The following COTL1 variants were observed in gnomAD, a reference collection of about 807,000 sequenced individuals.
COTL1 encodes coactosin-like protein.
A neutral mutation model predicts 16.5 loss-of-function variants in COTL1; 15 were observed. The observed-to-expected ratio is 0.91, with a 90% CI of 0.61 to 1.40. The LOEUF (loss-of-function observed/expected upper bound fraction) is 1.40. Among genes scored for constraint, COTL1 ranks in the 40% most tolerant of loss-of-function variants. COTL1 has a pLI of 0.00. For synonymous variants in COTL1, 112 were observed against 85.3 expected (o/e 1.31, Z -1.73); for missense variants, 220 against 201.5 (o/e 1.09, Z -0.56).
At chr16:84,615,016 C>T (rs1332228693) in intron 2 of COTL1, among the ~76,000 whole-genome samples, 1 of 152,216 alleles carries the variant, frequency 6.6e-6, no homozygotes, top group African/African-American at 2.4e-5. Context: ...ACCTGCCACA[C>T]CAGGCTGTTC....
At chr16:84,596,432 T>G (rs1254477333) in intron 2 of COTL1, 1 of 152,196 alleles carries the variant, frequency 6.6e-6, no homozygotes, top group African/African-American at 2.4e-5. Flanking sequence ...GAGGATTACA[T>G]GAAAAAGAAA....
chr16:84,605,193 C>T (rs1343529432), intron 2 of COTL1, among the ~76,000 whole-genome samples: 1 of 152,220 alleles, frequency 6.6e-6, no homozygotes, highest in African/African-American at 2.4e-5. Context: ...AAGAGCCTCC[C>T]GTGGTCTTCC....
chr16:84,589,073 C>T lies in COTL1; in HGVS notation c.318+1032G>A, dbSNP rs367834116. 2.2e-4 allele frequency among the ~76,000 whole-genome samples: 34 copies of T among 152,186 alleles called. 1 individual carries two copies. Among genetic ancestry groups the T allele is most frequent in the African/African-American group, 7.0e-4 (29 of 41,526 alleles). On this transcript the variant is annotated intron_variant, in intron 3 of 3. Transcript: ENST00000262428. The stretch of plus-strand genomic sequence containing the variant: ...GCACCCTTGACCTCCTGGTTTCCAG[C>T]GAACCTCCCGCCTCAGCCTCCCAAG...
chr16:84,590,263 C>A lies in COTL1; in HGVS notation c.161-1G>T. 1.2e-6 allele frequency: 2 copies of A among 1,613,718 alleles called. No individual in the cohort carries two copies. Among genetic ancestry groups the A allele is most frequent in the Non-Finnish European group, 1.7e-6 (2 of 1,179,632 alleles). ...ACGAAGGCAAACAACCGGACGTCAT[C>A]TGTGGCCAAAAGCGAAAAGAGAACA... On this transcript the variant is annotated splice_acceptor_variant, in intron 2 of 3. Coordinates refer to ENST00000262428, the MANE Select transcript of COTL1 (RefSeq NM_021149.5). LOFTEE classifies it high-confidence loss of function. The surrounding 1 kb of genome is among the most constrained non-coding windows in gnomAD (Gnocchi z 5.5).
intron 2 of COTL1, among the ~76,000 whole-genome samples, chr16:84,602,419 A>T (rs1905120697): frequency 6.6e-6 from 1 of 151,894 alleles, no homozygotes; most frequent in African/African-American, 2.4e-5. Context: ...ATTAAAAAAA[A>T]AAAAGAATAA....
Position 84,566,937 on chromosome 16 carries a change from C to T in COTL1, c.337G>A (p.Val113Met). 6.2e-7 allele frequency: 1 copy of T among 1,613,600 alleles called. No individual in the cohort carries two copies. Among genetic ancestry groups the T allele is most frequent in the African/African-American group, 1.3e-5 (1 of 75,018 alleles). Residue 113 changes from valine to methionine, a missense_variant, in exon 4 of 4, where the codon GTG becomes ATG. Coordinates refer to ENST00000262428, the MANE Select transcript of COTL1 (RefSeq NM_021149.5). Reference sequence around the variant, plus strand: ...TCCAGCTCCTTCCGATCACTGATCACAAACTCCTTAGCGAAATTCTGCAAG... The same window carrying T: ...TCCAGCTCCTTCCGATCACTGATCATAAACTCCTTAGCGAAATTCTGCAAG... ...EVVQNFAKEF[V>M]ISDRKELEED... is the part of the protein sequence containing the mutation.
chr16:84,616,696 A>G (rs1484358286), intron 2 of COTL1, among the ~76,000 whole-genome samples: 1 of 152,032 alleles, frequency 6.6e-6, no homozygotes. Context: ...CTCTGCCACT[A>G]CCGAAGGGTT....
chr16:84,598,597 G>A (rs960785817), intron 2 of COTL1, among the ~76,000 whole-genome samples: 2 of 151,640 alleles, frequency 1.3e-5, no homozygotes, highest in Non-Finnish European at 2.9e-5. Context: ...TCCTGGAGGT[G>A]CCTTTACGCC....
chr16:84,586,283 CTT>C (rs1386054781), intron 3 of COTL1, among the ~76,000 whole-genome samples: 5 of 152,222 alleles, frequency 3.3e-5, no homozygotes, highest in South Asian at 2.1e-4. Context: ...AGCAATTCCT[CTT>C]TGTGCTTCAA....
At chr16:84,583,729 G>A (rs1904653687) in intron 3 of COTL1, among the ~76,000 whole-genome samples, 1 of 152,112 alleles carries the variant, frequency 6.6e-6, no homozygotes, top group South Asian at 2.1e-4. Flanking sequence ...CAAAATGTTG[G>A]GATTACAGGT....
chr16:84,579,704 C>T (rs911604465), intron 3 of COTL1, among the ~76,000 whole-genome samples: 3 of 152,080 alleles, frequency 2.0e-5, no homozygotes, highest in African/African-American at 7.2e-5. Context: ...CACCACGGGG[C>T]GAAGACTAAG....
chr16:84,566,980 C>T lies in COTL1; in HGVS notation c.319-25G>A, dbSNP rs147198103. On this transcript the variant is annotated intron_variant, in intron 3 of 3. Transcript: ENST00000262428. ...TCTGCAAGAACAAAGGAAAACACAG[C>T]GTTCCTATTAAGAAGGAAGGCACAG... 318 of 1,549,760 alleles carry T rather than the reference C, an allele frequency of 2.1e-4. 1 individual carries two copies. Among genetic ancestry groups the T allele is most frequent in the Non-Finnish European group, 2.6e-4 (287 of 1,121,990 alleles).
intron 2 of COTL1, among the ~76,000 whole-genome samples, chr16:84,615,184 T>C (rs866370916): frequency 4.6e-5 from 7 of 152,196 alleles, no homozygotes; most frequent in East Asian, 3.8e-4. Context: ...ATAATTCTCC[T>C]ATGCATTTGT....
chr16:84,567,261 G>T, intron 3 of COTL1: 1 of 283,924 alleles, frequency 3.5e-6, no homozygotes, highest in Non-Finnish European at 6.7e-6. Flanking sequence ...TGTTACCTTG[G>T]CCAAGTCCCT....
intron 2 of COTL1, among the ~76,000 whole-genome samples, chr16:84,602,312 G>T (rs1173660473): frequency 1.3e-5 from 2 of 151,664 alleles, no homozygotes; most frequent in African/African-American, 4.9e-5. Context: ...GATTGCTTGA[G>T]CCCAGGAGGT....
intron 2 of COTL1, among the ~76,000 whole-genome samples, chr16:84,601,536 A>C (rs1298093294): frequency 1.3e-5 from 2 of 151,660 alleles, no homozygotes; most frequent in African/African-American, 4.9e-5. Context: ...CGGCTCATGC[A>C]ACCTCCGCCT....
chr16:84,607,174 T>C (rs1820840), intron 2 of COTL1, among the ~76,000 whole-genome samples: 68,110 of 152,008 alleles, frequency 0.45, 15,342 homozygotes, highest in African/African-American at 0.47. Context: ...ACGACCACCA[T>C]ACGGGACACC....
At chr16:84,614,164 T>G (rs952029914) in intron 2 of COTL1, among the ~76,000 whole-genome samples, 1 of 152,252 alleles carries the variant, frequency 6.6e-6, no homozygotes, top group Non-Finnish European at 1.5e-5. Flanking sequence ...TACATTAATC[T>G]GCACTGGGCA....
intron 3 of COTL1, chr16:84,576,669 C>T (rs907355795): frequency 6.6e-6 from 1 of 152,228 alleles, no homozygotes; most frequent in Non-Finnish European, 1.5e-5. Flanking sequence ...CCTTTCCCCA[C>T]CAGTCATCCA....
Sources: allele counts gnomAD v4.1 joint callset (sites outside exome capture counted in the v4.1 genomes callset), GRCh38; gene constraint gnomAD v4.1.1; non-coding constraint Gnocchi (gnomAD v3.1); transcripts MANE v1.5; gene names NCBI Gene and HGNC (gene_info 2026-07-23, HGNC 2026-07-21).